SLC16A12: variants seen among roughly 807,000 people sequenced by gnomAD.
SLC16A12 encodes the protein monocarboxylate transporter 12.
In SLC16A12, 17 loss-of-function variants were observed where a neutral mutation model predicts 42.4. The ratio of observed to expected loss-of-function variants is 0.40; its 90% confidence interval spans 0.27 to 0.60. SLC16A12 has a LOEUF of 0.60. Among genes scored for constraint, SLC16A12 ranks in the 20% least tolerant of loss-of-function variants. The pLI is 0.42. For missense variants in SLC16A12, 544 were observed against 623.0 expected, an observed-to-expected ratio of 0.87 and a Z score of 1.35; for synonymous variants, 224 against 229.4, an observed-to-expected ratio of 0.98 and a Z score of 0.21.
At chr10:89,531,988 C>T (rs568636275) in intron 2 of SLC16A12, among the ~76,000 whole-genome samples, 11 of 152,300 alleles carry the variant, frequency 7.2e-5, no homozygotes, top group African/African-American at 2.4e-4. Flanking sequence ...GTCCTCTCTT[C>T]CATACCAGGA....
chr10:89,487,987 TATATATATAC>T (rs1330315406), intron 2 of SLC16A12, among the ~76,000 whole-genome samples: 1 of 133,322 alleles, frequency 7.5e-6, no homozygotes, highest in African/African-American at 3.0e-5. Context: ...TATATATATA[TATATATATAC>T]ACACACACAT....
upstream of SLC16A12, among the ~76,000 whole-genome samples, chr10:89,538,483 A>G (rs538314233): frequency 1.3e-5 from 2 of 152,218 alleles, no homozygotes; most frequent in Admixed American, 6.5e-5. Flanking sequence ...AATGTCTACC[A>G]TACTGGATAG....
At chr10:89,541,581 A>G (rs1401637872) in intron 2 of SLC16A12, among the ~76,000 whole-genome samples, 1 of 152,200 alleles carries the variant, frequency 6.6e-6, no homozygotes, top group Non-Finnish European at 1.5e-5. Flanking sequence ...AACTAGACCC[A>G]GTCTCTAAAA....
At chr10:89,453,629 A>G (rs1240506195) in intron 3 of SLC16A12, among the ~76,000 whole-genome samples, 1 of 152,210 alleles carries the variant, frequency 6.6e-6, no homozygotes, top group African/African-American at 2.4e-5. Flanking sequence ...CTAGGTGTGC[A>G]GTACGCGCTA....
chr10:89,491,936 A>T (rs1842853275), intron 2 of SLC16A12, among the ~76,000 whole-genome samples: 1 of 152,218 alleles, frequency 6.6e-6, no homozygotes, highest in Non-Finnish European at 1.5e-5. Flanking sequence ...AGGGAGAAAA[A>T]CATATAGACA....
rs907771363 is a variant in SLC16A12, at chr10:89,438,680, C to A, written c.952G>T (p.Ala318Ser). The change falls in exon 6 of 8, where the codon GCT becomes TCT. Residue 318 changes from alanine to serine, a missense_variant. By Grantham distance (99) the Ala-to-Ser change is moderately conservative (BLOSUM62 1). Transcript: ENST00000371790. ...CCAAGTATGGACATAAGAAAAGCAGCTTGCTGATGACTCACTCCAACACTC... is the reference window on the plus strand; with the variant it reads ...CCAAGTATGGACATAAGAAAAGCAGATTGCTGATGACTCACTCCAACACTC... ...ALSVGVSHQQ[A>S]AFLMSILGVI... The A allele has an allele frequency of 6.2e-7, 1 of 1,614,042 alleles. No individual in the cohort carries two copies. The highest frequency in any genetic ancestry group is 8.5e-7 in the Non-Finnish European group (1 of 1,179,988).
At chr10:89,475,899 C>T (rs1842570466) in intron 2 of SLC16A12, among the ~76,000 whole-genome samples, 1 of 152,194 alleles carries the variant, frequency 6.6e-6, no homozygotes, top group Non-Finnish European at 1.5e-5. Context: ...CTTTCCCACC[C>T]TTTCAGTTCC....
At chr10:89,442,349 T>C (rs552245274) in intron 4 of SLC16A12, among the ~76,000 whole-genome samples, 9 of 152,308 alleles carry the variant, frequency 5.9e-5, no homozygotes, top group South Asian at 4.1e-4. Flanking sequence ...TGGTCTTGCA[T>C]AGAATTTAAA....
chr10:89,511,328 C>T (rs1843158789), intron 2 of SLC16A12, among the ~76,000 whole-genome samples: 1 of 152,200 alleles, frequency 6.6e-6, no homozygotes, highest in African/African-American at 2.4e-5. Flanking sequence ...TTGATACCAA[C>T]CCAAATGCCC....
chr10:89,516,947 G>T (rs1002838147), intron 2 of SLC16A12, among the ~76,000 whole-genome samples: 19 of 152,244 alleles, frequency 1.2e-4, no homozygotes, highest in African/African-American at 4.6e-4. Flanking sequence ...ATAGTACCAG[G>T]CATGATGGCT....
At chr10:89,545,969 G>GGGAAAACTGGCTAGCCATACGC (rs1466401536) in intron 2 of SLC16A12, among the ~76,000 whole-genome samples, 1 of 152,130 alleles carries the variant, frequency 6.6e-6, no homozygotes, top group Non-Finnish European at 1.5e-5. Context: ...AAATGGTGCT[G>GGGAAAACTGGCTAGCCATACGC]GGAAAACTGG....
rs577466048 is a variant in SLC16A12 at position 89,525,578 on chromosome 10, G to A, written c.-47+8923C>T. ...AATCACTGGAACACTTCAATTATCC[G>A]GTAAAATAATTTTAACAAGTATCTT... On this transcript the variant is annotated intron_variant, in intron 2 of 7. Coordinates refer to ENST00000371790, the MANE Select transcript of SLC16A12 (RefSeq NM_213606.4). 2.8e-4 allele frequency among the ~76,000 whole-genome samples: 43 copies of A among 152,186 alleles called. No individual in the cohort carries two copies. In the South Asian group the frequency reaches 6.4e-3, roughly 23 times the overall value.
intron 2 of SLC16A12, among the ~76,000 whole-genome samples, chr10:89,486,938 T>C (rs1470499943): frequency 6.6e-6 from 1 of 152,178 alleles, no homozygotes; most frequent in African/African-American, 2.4e-5. Flanking sequence ...GAGAGAGATA[T>C]GTGTGGGCTG....
intron 2 of SLC16A12, among the ~76,000 whole-genome samples, chr10:89,533,044 A>T (rs908977613): frequency 2.0e-5 from 3 of 152,226 alleles, no homozygotes. Context: ...ATTGACTCCA[A>T]ATGAACATAT....
chr10:89,436,399 T>G (rs1312409582), intron 6 of SLC16A12, 80 bp from the exon 7 acceptor site: 5 of 1,527,868 alleles, frequency 3.3e-6, no homozygotes, highest in Non-Finnish European at 4.5e-6. Context: ...TATGCAGCAG[T>G]AAGCATTGCA....
chr10:89,491,509 G>C (rs1467967730), intron 2 of SLC16A12, among the ~76,000 whole-genome samples: 1 of 146,174 alleles, frequency 6.8e-6, no homozygotes, highest in African/African-American at 2.5e-5. Flanking sequence ...CCCTAGAGGA[G>C]TTTTTTTTTT....
intron 2 of SLC16A12, among the ~76,000 whole-genome samples, chr10:89,531,528 C>T (rs2133870997): frequency 6.6e-6 from 1 of 152,296 alleles, no homozygotes; most frequent in South Asian, 2.1e-4. Flanking sequence ...ATAGCTATTT[C>T]CCACAGCGGT....
intron 2 of SLC16A12, among the ~76,000 whole-genome samples, chr10:89,492,092 T>C (rs1325176056): frequency 6.6e-6 from 1 of 152,222 alleles, no homozygotes; most frequent in Non-Finnish European, 1.5e-5. Context: ...TGTTGTCACC[T>C]TTGAGACTGA....
chr10:89,545,438 A>G (rs534811845), intron 2 of SLC16A12, among the ~76,000 whole-genome samples: 1 of 152,310 alleles, frequency 6.6e-6, no homozygotes, highest in Non-Finnish European at 1.5e-5. Flanking sequence ...ACAAGCAGAG[A>G]GTCAAATCAT....
Sources: gnomAD v4.1 joint callset for allele counts (sites outside exome capture counted in the v4.1 genomes callset) on GRCh38, gnomAD v4.1.1 for gene constraint, MANE v1.5 for transcripts, NCBI Gene and HGNC (gene_info 2026-07-23, HGNC 2026-07-21) for gene names.